RET: variants seen among roughly 807,000 people sequenced by gnomAD.
The protein encoded by RET is proto-oncogene tyrosine-protein kinase receptor Ret.
Under a neutral mutation model 118.3 loss-of-function variants are expected in RET, and 19 were observed. The ratio of observed to expected loss-of-function variants is 0.16; its 90% CI spans 0.11 to 0.24. RET has a LOEUF of 0.24. RET is among the 10% of genes least tolerant of loss of function. The pLI is 1.00. For synonymous variants in RET, 597 were observed against 644.1 expected (o/e 0.93, Z 1.11); for missense variants, 1,219 against 1,502.1 (o/e 0.81, Z 3.12).
In RET at chr10:43,108,983, G is replaced by A. The variant is rs751577928; in HGVS notation, c.1064-48G>A. On this transcript the variant is annotated intron_variant, in intron 5 of 19. Transcript: ENST00000355710. The stretch of plus-strand genomic sequence containing the variant: ...TGGGAAGAGGTGTGCTACACATGAG[G>A]AAGCAGCCAGAGCAGCTTGGTGGTC... The A allele has an allele frequency of 6.7e-5, 105 of 1,556,822 alleles. No individual in the cohort carries two copies. The Middle Eastern group carries it at 1.2e-3, about 18-fold the overall frequency.
rs185885094 is a variant in RET, at chr10:43,097,096, G to T, written c.74-3363G>T. On this transcript the variant is annotated intron_variant, in intron 1 of 19. Transcript: ENST00000355710. ...TTGGGCCCCCCACGATCCTGTAGGG[G>T]TGGGCTCTGCCAGATGGGAGCAGGA... Among the ~76,000 whole-genome samples the T allele has an allele frequency of 8.5e-5, 13 of 152,340 alleles. No individual in the cohort carries two copies. The East Asian group carries it at 1.9e-3, about 23-fold the overall frequency.
chr10:43,126,462 G>C, intron 18 of RET, 113 bp from the exon 19 acceptor site: 1 of 960,284 alleles, frequency 1.0e-6, no homozygotes, highest in Non-Finnish European at 1.7e-6. Context: ...CAGGAGATTG[G>C]TGCGAGGTGG....
At chr10:43,089,072 G>A (rs1253163858) in intron 1 of RET, among the ~76,000 whole-genome samples, 7 of 152,160 alleles carry the variant, frequency 4.6e-5, no homozygotes, top group East Asian at 1.9e-4. Context: ...TTTTCAGAAC[G>A]GGCAGCGTGG....
intron 18 of RET, 66 bp from the exon 19 acceptor site, chr10:43,126,509 T>A: frequency 7.2e-7 from 1 of 1,395,146 alleles, no homozygotes; most frequent in Non-Finnish European, 1.0e-6. Flanking sequence ...GGATGGCTTG[T>A]TGTATACTGA....
intron 13 of RET, among the ~76,000 whole-genome samples, chr10:43,119,135 C>T (rs1314198862): frequency 1.3e-5 from 2 of 152,186 alleles, no homozygotes; most frequent in African/African-American, 4.8e-5. Flanking sequence ...GTGCAGAGCC[C>T]AGCGCCAGGC....
intron 1 of RET, among the ~76,000 whole-genome samples, chr10:43,078,662 C>G (rs866401829): frequency 2.9e-4 from 44 of 152,208 alleles, no homozygotes; most frequent in Admixed American, 5.9e-4. Context: ...GGGCAGGGGG[C>G]CAGGTGTGAA....
chr10:43,085,294 CA>C (rs1291358542), intron 1 of RET, among the ~76,000 whole-genome samples: 1 of 152,198 alleles, frequency 6.6e-6, no homozygotes, highest in African/African-American at 2.4e-5. Context: ...CGGGGAAGCA[CA>C]GGGGCATGGG....
At chr10:43,088,913 C>T (rs1837352357) in intron 1 of RET, among the ~76,000 whole-genome samples, 1 of 152,218 alleles carries the variant, frequency 6.6e-6, no homozygotes, top group East Asian at 1.9e-4. Context: ...CCTCTACCTC[C>T]TGCTGCTTTT....
In RET at chr10:43,106,010, C is replaced by T. The variant is rs1837764665; in HGVS notation, c.868-366C>T. ...CTGTTCCTGTGTGACCTTGACCTGA[C>T]CTTCACCCTGTGGGGCCCAGCTTCC... On this transcript the variant is annotated intron_variant, in intron 4 of 19. Transcript: ENST00000355710. This position sits in a 1 kb window ranked among gnomAD's most constrained non-coding sequence, Gnocchi z 5.1. 1.3e-5 allele frequency among the ~76,000 whole-genome samples: 2 copies of T among 152,168 alleles called. No homozygotes were observed. The highest frequency in any genetic ancestry group is 6.5e-5 in the Admixed American group (1 of 15,282).
intron 1 of RET, among the ~76,000 whole-genome samples, chr10:43,093,324 G>T (rs1396981507): frequency 6.6e-6 from 1 of 152,174 alleles, no homozygotes; most frequent in Non-Finnish European, 1.5e-5. Flanking sequence ...GAGGGGACTT[G>T]GGAGGTGGGG....
At chr10:43,101,435 T>G (rs1837640451) in intron 2 of RET, among the ~76,000 whole-genome samples, 1 of 152,252 alleles carries the variant, frequency 6.6e-6, no homozygotes, top group Non-Finnish European at 1.5e-5. Context: ...CAGGCCTATC[T>G]GCCAGGGACA....
rs998143127 is a variant in RET, at chr10:43,112,280, C to T, written c.1648+56C>T. 1.2e-5 allele frequency: 19 copies of T among 1,534,748 alleles called. 1 individual carries two copies. The highest frequency in any genetic ancestry group is 6.0e-5 in the South Asian group (5 of 83,346). ...GCAGGGGCGATGGCACCGGTGGAAA[C>T]GGGGTCCTGGGGCCCTGCCAGCCTG... On this transcript the variant is annotated intron_variant, in intron 8 of 19. Coordinates refer to ENST00000355710, the MANE Select transcript of RET (RefSeq NM_020975.6).
intron 1 of RET, among the ~76,000 whole-genome samples, chr10:43,082,448 C>T (rs1287534286): frequency 1.3e-5 from 2 of 152,210 alleles, no homozygotes; most frequent in Non-Finnish European, 2.9e-5. Flanking sequence ...CCTGGTGGAC[C>T]AGCGGGCATA....
At chr10:43,091,358 G>A (rs2132594137) in intron 1 of RET, among the ~76,000 whole-genome samples, 1 of 151,842 alleles carries the variant, frequency 6.6e-6, no homozygotes, top group South Asian at 2.1e-4. Context: ...GCCAGGTGCG[G>A]TGGCTCACTC....
At chr10:43,109,426 C>G (rs898925306) in intron 6 of RET, among the ~76,000 whole-genome samples, 196 bp downstream of exon 6, 1 of 152,118 alleles carries the variant, frequency 6.6e-6, no homozygotes, top group Admixed American at 6.5e-5. Context: ...GGGCTGGGGG[C>G]TCCTTGGGCC....
intron 3 of RET, chr10:43,102,846 C>A: frequency 3.2e-6 from 2 of 620,740 alleles, no homozygotes. Context: ...TCTTGCCTGC[C>A]TGCAGCTTTC....
rs587780808 is a variant in RET at position 43,112,928 on chromosome 10, C to T, written c.1724C>T (p.Thr575Ile). The change falls in exon 9 of 20, where the codon ACC becomes ATC. Residue 575 changes from threonine to isoleucine, a missense_variant. Physicochemically the swap from Thr to Ile is moderately conservative, Grantham distance 89 (BLOSUM62 -1). Coordinates refer to ENST00000355710, the MANE Select transcript of RET (RefSeq NM_020975.6). ...GACGGCCACTGCGATGTTGTGGAGA[C>T]CCAAGACATCAACATTTGCCCTCAG... ...CPDGHCDVVE[T>I]QDINICPQDC... 3.7e-6 allele frequency: 6 copies of T among 1,614,024 alleles called. No individual in the cohort carries two copies. The African/African-American group carries it at 6.7e-5, about 18-fold the overall frequency.
At chr10:43,083,372 C>A (rs926955111) in intron 1 of RET, among the ~76,000 whole-genome samples, 8 of 152,342 alleles carry the variant, frequency 5.3e-5, no homozygotes, top group South Asian at 2.1e-4. Context: ...CAGGAATGCC[C>A]CCCAGTCTCA....
intron 3 of RET, among the ~76,000 whole-genome samples, chr10:43,103,696 G>A (rs1837692712): frequency 6.6e-6 from 1 of 152,182 alleles, no homozygotes; most frequent in Middle Eastern, 3.2e-3. Flanking sequence ...TCTGGGGCAG[G>A]GTTGATGGAG....
Sources: gnomAD v4.1 joint callset for allele counts (sites outside exome capture counted in the v4.1 genomes callset) on GRCh38, gnomAD v4.1.1 for gene constraint, Gnocchi (gnomAD v3.1) non-coding constraint, MANE v1.5 for transcripts, NCBI Gene and HGNC (gene_info 2026-07-23, HGNC 2026-07-21) for gene names.